Variants in HELB observed in about 807,000 individuals in gnomAD.
The protein encoded by HELB is DNA helicase B, also known as DNA 5'-3' helicase B.
In HELB, 96 loss-of-function variants were observed where a neutral mutation model predicts 101.7. That is an observed-to-expected ratio of 0.94 (90% CI 0.80 to 1.12). The LOEUF (loss-of-function observed/expected upper bound fraction) is 1.12. HELB is among the 50% of genes most tolerant of loss of function. The probability of loss-of-function intolerance (pLI) is 0.00; values close to 1 mark genes in which losing one functional copy is unlikely to be tolerated. For synonymous variants in HELB, 437 were observed against 459.7 expected (o/e 0.95, Z 0.63); for missense variants, 1,210 against 1,291.9 (o/e 0.94, Z 0.97).
Position 66,313,971 on chromosome 12 carries a change from A to G in HELB, c.1681-15A>G. 1 of 1,612,160 alleles carries G rather than the reference A, an allele frequency of 6.2e-7. No individual in the cohort carries two copies. The highest frequency in any genetic ancestry group is 8.5e-7 in the Non-Finnish European group (1 of 1,178,454). Reference sequence around the variant, plus strand: ...TTTATAACCTGACTTTAGGAATGCCATACTTTGCTTGTAGGTCAATTATAG... The same window carrying G: ...TTTATAACCTGACTTTAGGAATGCCGTACTTTGCTTGTAGGTCAATTATAG... On this transcript the variant is annotated splice_polypyrimidine_tract_variant and intron_variant, in intron 4 of 12. Transcript: ENST00000247815.
Position 66,302,599 on chromosome 12 carries a change from G to A in HELB, c.-5G>A, listed in dbSNP as rs2053416102. ...CGAGTTGTTTGGGTTGAGTTCAGGAGAAGCATGGCCAGGTCGAGTCCGTAC... is the reference window on the plus strand; with the variant it reads ...CGAGTTGTTTGGGTTGAGTTCAGGAAAAGCATGGCCAGGTCGAGTCCGTAC... On this transcript the variant is annotated 5_prime_UTR_variant, in exon 1 of 13. Coordinates refer to ENST00000247815, the MANE Select transcript of HELB (RefSeq NM_001370285.1). 6.2e-7 allele frequency: 1 copy of A among 1,611,780 alleles called. No homozygotes were observed. The highest frequency in any genetic ancestry group is 1.3e-5 in the African/African-American group (1 of 74,910).
At chr12:66,343,273 A>G (rs2053930596) in intron 13 of HELB, 1 of 152,096 alleles carries the variant, frequency 6.6e-6, no homozygotes, top group Non-Finnish European at 1.5e-5. Context: ...ATGAACACAG[A>G]TGTCTTTCCA....
intron 1 of HELB, among the ~76,000 whole-genome samples, chr12:66,304,522 C>T (rs1222858351): frequency 6.6e-6 from 1 of 152,130 alleles, no homozygotes; most frequent in Admixed American, 6.5e-5. Flanking sequence ...ACAAACGAAA[C>T]AGTGTCCTGT....
At chr12:66,307,081 A>C (rs989026629) in intron 3 of HELB, among the ~76,000 whole-genome samples, 2 of 152,216 alleles carry the variant, frequency 1.3e-5, no homozygotes, top group Non-Finnish European at 2.9e-5. Flanking sequence ...GTGGTATTGG[A>C]AACCAAATGT....
intron 6 of HELB, 65 bp downstream of exon 6, chr12:66,315,448 G>T: frequency 8.1e-7 from 1 of 1,235,298 alleles, no homozygotes; most frequent in Non-Finnish European, 1.1e-6. Context: ...AATGGCCTTT[G>T]AATTAGAATG....
At chr12:66,325,747 T>C (rs2137009286) in intron 11 of HELB, among the ~76,000 whole-genome samples, 1 of 152,358 alleles carries the variant, frequency 6.6e-6, no homozygotes, top group Admixed American at 6.5e-5. Context: ...CTTTTATTTT[T>C]TATTTTTTGC....
chr12:66,320,931 A>T (rs1203260444), intron 7 of HELB, among the ~76,000 whole-genome samples: 1 of 152,218 alleles, frequency 6.6e-6, no homozygotes, highest in Non-Finnish European at 1.5e-5. Flanking sequence ...GAAAAAAGGT[A>T]TGGAACAGTG....
At chr12:66,332,014 A>T (rs2053815724) in intron 12 of HELB, among the ~76,000 whole-genome samples, 1 of 151,720 alleles carries the variant, frequency 6.6e-6, no homozygotes, top group African/African-American at 2.4e-5. Context: ...GACAGTTCTC[A>T]CTCTCACACT....
intron 11 of HELB, among the ~76,000 whole-genome samples, chr12:66,328,059 A>G (rs1437701501): frequency 6.6e-6 from 1 of 152,124 alleles, no homozygotes; most frequent in Non-Finnish European, 1.5e-5. Context: ...GAGAAGCAGG[A>G]ATAGCAAGGT....
intron 7 of HELB, 62 bp from the exon 8 acceptor site, chr12:66,321,886 C>A: frequency 1.5e-6 from 1 of 680,030 alleles, no homozygotes; most frequent in Non-Finnish European, 2.7e-6. Context: ...TTAGTTTCTT[C>A]ATAGAAATTG....
In HELB at chr12:66,309,751, A is replaced by G; in HGVS notation, c.823A>G (p.Ile275Val). Residue 275 changes from isoleucine to valine, a missense_variant, in exon 4 of 13, where the codon ATA (isoleucine) becomes GTA (valine). Ile to Val is a conservative substitution (Grantham distance 29, BLOSUM62 3). Around this residue, in one of 2 missense-constraint regions of HELB, gnomAD observed 470 missense variants for 563.1 expected, o/e 0.83. Coordinates refer to ENST00000247815, the MANE Select transcript of HELB (RefSeq NM_001370285.1). ...WKLLRCEASW[I>V]AFCQCESLLQ... The stretch of plus-strand genomic sequence containing the variant: ...ACTCCTGCGATGTGAGGCAAGTTGG[A>G]TAGCATTTTGTCAGTGTGAGTCTCT... The G allele has an allele frequency of 6.2e-7, 1 of 1,613,498 alleles. No homozygotes were observed. Among genetic ancestry groups the G allele is most frequent in the South Asian group, 1.1e-5 (1 of 91,032 alleles).
chr12:66,318,603 A>T (rs1295668953), intron 6 of HELB, 35 bp from the exon 7 acceptor site: 1 of 1,558,426 alleles, frequency 6.4e-7, no homozygotes, highest in African/African-American at 1.4e-5. Flanking sequence ...TTGGATGATA[A>T]TGTTCTTTGT....
At chr12:66,331,944 G>C (rs1264928187) in intron 12 of HELB, among the ~76,000 whole-genome samples, 3 of 152,110 alleles carry the variant, frequency 2.0e-5, no homozygotes, top group Middle Eastern at 3.4e-3. Flanking sequence ...CCAGTGATTT[G>C]GCTAACAAAG....
rs140308412 is a variant in HELB at position 66,314,148 on chromosome 12, A to G, written c.1843A>G (p.Lys615Glu). The G allele has an allele frequency of 1.5e-3, 2,490 of 1,612,924 alleles. 8 individuals are homozygous for G. Among genetic ancestry groups the G allele is most frequent in the Non-Finnish European group, 1.9e-3 (2,255 of 1,179,222 alleles). ...ATTGTGTGAGCACTCCAAACTTTCT[A>G]AGCTTATTATCCTTGGTAAGTTAAA... ...NLLCEHSKLS[K>E]LIILGDIRQL... The change falls in exon 5 of 13, where the codon AAG (lysine) becomes GAG (glutamate). Residue 615 changes from lysine (K) to glutamate (E), a missense_variant. Transcript: ENST00000247815.
At chr12:66,312,366 G>T (rs976711041) in intron 4 of HELB, among the ~76,000 whole-genome samples, 1 of 152,188 alleles carries the variant, frequency 6.6e-6, no homozygotes, top group African/African-American at 2.4e-5. Context: ...TCCTAAGCAA[G>T]AGAGTGAAAG....
intron 11 of HELB, among the ~76,000 whole-genome samples, chr12:66,326,306 G>A (rs963341379): frequency 9.2e-5 from 14 of 151,780 alleles, no homozygotes; most frequent in Non-Finnish European, 1.9e-4. Context: ...GCAGTGGCGC[G>A]ATCTTGGCTC....
intron 1 of HELB, among the ~76,000 whole-genome samples, chr12:66,304,245 G>A (rs1248023103): frequency 3.3e-5 from 5 of 152,194 alleles, no homozygotes; most frequent in African/African-American, 1.2e-4. Context: ...GCTAAATAGT[G>A]CTTTGAGAGG....
Position 66,305,004 on chromosome 12 carries a change from A to G in HELB, c.461A>G (p.Tyr154Cys), listed in dbSNP as rs753931590. 3 of 1,613,772 alleles carry G rather than the reference A, an allele frequency of 1.9e-6. No individual in the cohort carries two copies. The highest frequency in any genetic ancestry group is 1.1e-5 in the South Asian group (1 of 91,020). ...FLTWVKEVSN[Y>C]KNLNFENLRE... Reference sequence around the variant, plus strand: ...ACATGGGTAAAGGAGGTATCAAACTACAAAAACCTAAACTTTGAAAATCTT... The same window carrying G: ...ACATGGGTAAAGGAGGTATCAAACTGCAAAAACCTAAACTTTGAAAATCTT... Residue 154 changes from tyrosine to cysteine, a missense_variant, in exon 2 of 13, where the codon TAC becomes TGC. By Grantham distance (194) the Tyr-to-Cys change is radical (BLOSUM62 -2). This residue lies in a region of HELB where 470 missense variants were observed against 563.1 expected (regional missense o/e 0.83). Transcript: ENST00000247815.
At position 66,310,366 on chromosome 12, in the gene HELB, G is replaced by C. The variant is rs764613430; in HGVS notation, c.1438G>C (p.Gly480Arg). ...VTVISGKGGCGKTTIVSRLFK... is the reference protein window; with the variant it reads ...VTVISGKGGCRKTTIVSRLFK... ...AGTCATAAGTGGGAAAGGTGGATGT[G>C]GGAAGACCACAATCGTTAGCCGTCT... The change falls in exon 4 of 13, where the codon GGG becomes CGG. Residue 480 changes from glycine to arginine, a missense_variant. Physicochemically the swap from Gly to Arg is moderately radical, Grantham distance 125. This residue lies in a region of HELB where 740 missense variants were observed against 728.8 expected (regional missense o/e 1.02). Coordinates refer to ENST00000247815, the MANE Select transcript of HELB (RefSeq NM_001370285.1). 6.2e-7 allele frequency: 1 copy of C among 1,614,176 alleles called. No homozygotes were observed. Among genetic ancestry groups the C allele is most frequent in the Non-Finnish European group, 8.5e-7 (1 of 1,180,032 alleles).
Sources: gnomAD v4.1 joint callset for allele counts (sites outside exome capture counted in the v4.1 genomes callset) on GRCh38, gnomAD v4.1.1 for gene constraint, gnomAD v4.1.1 regional missense constraint, MANE v1.5 for transcripts, NCBI Gene and HGNC (gene_info 2026-07-23, HGNC 2026-07-21) for gene names.